The following KIF1A variants were observed in gnomAD, a reference collection of about 807,000 sequenced individuals.
KIF1A encodes kinesin family member 1A.
Under a neutral mutation model 227.3 loss-of-function variants are expected in KIF1A, and 46 were observed. The ratio of observed to expected loss-of-function variants is 0.20; its 90% confidence interval spans 0.16 to 0.26. The LOEUF (loss-of-function observed/expected upper bound fraction) is 0.26. KIF1A is among the 10% of genes least tolerant of loss of function. The probability of loss-of-function intolerance (pLI) is 1.00; values close to 1 mark genes in which losing one functional copy is unlikely to be tolerated. For missense variants in KIF1A, 1,683 were observed against 2,485.9 expected (o/e 0.68, Z 6.87); for synonymous variants, 1,022 against 1,012.8 (o/e 1.01, Z -0.17).
intron 17 of KIF1A, 68 bp downstream of exon 17, chr2:240,769,065 C>T: frequency 2.8e-6 from 4 of 1,411,080 alleles, no homozygotes; most frequent in Non-Finnish European, 3.9e-6. Flanking sequence ...TCTGGCTCTA[C>T]CTGAGACAGC....
At chr2:240,738,764 C>T (rs1185277172) in intron 37 of KIF1A, among the ~76,000 whole-genome samples, 2 of 152,250 alleles carry the variant, frequency 1.3e-5, no homozygotes, top group African/African-American at 4.8e-5. Context: ...TGGATCTGAG[C>T]AGGCGGGGCC....
rs1402649597 is a variant in KIF1A at position 240,726,553 on chromosome 2, G to A, written c.4122+273C>T. 6.6e-6 allele frequency among the ~76,000 whole-genome samples: 1 copy of A among 152,198 alleles called. No individual in the cohort carries two copies. The highest frequency in any genetic ancestry group is 1.5e-5 in the Non-Finnish European group (1 of 68,038). ...TTGAGCCTGGGAAGCGGAGGTTGCA[G>A]TGAGACTGCGCCATTGCACTCCAGC... On this transcript the variant is annotated intron_variant, in intron 39 of 48. Coordinates refer to ENST00000498729, the MANE Select transcript of KIF1A (RefSeq NM_001244008.2). The surrounding 1 kb of genome is among the most constrained non-coding windows in gnomAD (Gnocchi z 5.2).
chr2:240,805,485 G>A (rs2126196135), intron 1 of KIF1A, among the ~76,000 whole-genome samples: 1 of 152,120 alleles, frequency 6.6e-6, no homozygotes, highest in South Asian at 2.1e-4. Flanking sequence ...AGAAAAAAAG[G>A]GCGAAAATAT....
Position 240,725,037 on chromosome 2 carries a change from C to G in KIF1A, c.4256+234G>C, listed in dbSNP as rs2045856559. ...TCCTCCCATCCGCTGCAGGCTGGCC[C>G]TCAAGTCCCTCATAGTGGTGTCAGT... On this transcript the variant is annotated intron_variant, in intron 40 of 48. Transcript: ENST00000498729. The surrounding 1 kb of genome is among the most constrained non-coding windows in gnomAD (Gnocchi z 5.8). 6.6e-6 allele frequency among the ~76,000 whole-genome samples: 1 copy of G among 150,708 alleles called. No homozygotes were observed. Among genetic ancestry groups the G allele is most frequent in the African/African-American group, 2.4e-5 (1 of 41,032 alleles).
rs538414991 is a variant in KIF1A, at chr2:240,737,854, G to A, written c.3902-686C>T. 9.7e-4 allele frequency among the ~76,000 whole-genome samples: 147 copies of A among 152,286 alleles called. 1 individual carries two copies. Among genetic ancestry groups the A allele is most frequent in the Non-Finnish European group, 1.2e-3 (85 of 68,022 alleles). On this transcript the variant is annotated intron_variant, in intron 37 of 48. Transcript: ENST00000498729. The stretch of plus-strand genomic sequence containing the variant: ...AACACATGTACATTTTCTTTGTTGC[G>A]CCAGGAAGGAACGGCAGCCTTCCCT...
At chr2:240,774,400 CCCA>C (rs1221798211) in intron 11 of KIF1A, 139 bp from the exon 12 acceptor site, 7 of 419,064 alleles carry the variant, frequency 1.7e-5, no homozygotes, top group East Asian at 4.2e-5. Flanking sequence ...TACCCCCCCC[CCCA>C]CCCCCACCCC....
At position 240,790,671 on chromosome 2, in the gene KIF1A, G is replaced by A. The variant is rs1229641921; in HGVS notation, c.107-1359C>T. Among the ~76,000 whole-genome samples the A allele has an allele frequency of 6.6e-6, 1 of 152,112 alleles. No homozygotes were observed. The highest frequency in any genetic ancestry group is 1.5e-5 in the Non-Finnish European group (1 of 68,026). On this transcript the variant is annotated intron_variant, in intron 2 of 48. Coordinates refer to ENST00000498729, the MANE Select transcript of KIF1A (RefSeq NM_001244008.2). The surrounding 1 kb of genome is among the most constrained non-coding windows in gnomAD (Gnocchi z 5.0). The stretch of plus-strand genomic sequence containing the variant: ...ATGAGGTCCTACTCCATGAAGACGG[G>A]CCCTAATCTAGTGCTGCCATGTCCT...
At chr2:240,727,023 C>A in intron 38 of KIF1A, 83 bp from the exon 39 acceptor site, 2 of 813,356 alleles carry the variant, frequency 2.5e-6, no homozygotes, top group Non-Finnish European at 4.0e-6. Context: ...ACAGACAGAG[C>A]GACAGACAAG....
intron 1 of KIF1A, among the ~76,000 whole-genome samples, chr2:240,817,968 A>G (rs1477729244): frequency 6.6e-6 from 1 of 152,166 alleles, no homozygotes; most frequent in South Asian, 2.1e-4. Context: ...TTTGGGCAGA[A>G]CTCCAGGCTC....
At chr2:240,779,991 C>T (rs1017059892) in intron 10 of KIF1A, among the ~76,000 whole-genome samples, 68 of 152,250 alleles carry the variant, frequency 4.5e-4, no homozygotes, top group African/African-American at 1.5e-3. Context: ...CACCCACTTT[C>T]ACAGTTTCAC....
chr2:240,742,276 T>C (rs974866579), intron 34 of KIF1A, among the ~76,000 whole-genome samples: 4 of 152,290 alleles, frequency 2.6e-5, no homozygotes, highest in South Asian at 2.1e-4. Flanking sequence ...CACAGGCCCC[T>C]ACCCTCTGGG....
rs1282141385 is a variant in KIF1A at position 240,736,957 on chromosome 2, G to A, written c.4007+106C>T. On this transcript the variant is annotated intron_variant, in intron 38 of 48. Transcript: ENST00000498729. The surrounding 1 kb of genome is among the most constrained non-coding windows in gnomAD (Gnocchi z 4.7). ...TGCCAGGAGGGAGGGCCGGGAGAGC[G>A]TTGAGCGGGTCACCTTGTGTGGCTG... is the stretch of plus-strand genomic sequence containing the variant. The A allele has an allele frequency of 2.7e-5, 25 of 914,332 alleles. No homozygotes were observed. The highest frequency in any genetic ancestry group is 1.1e-4 in the Admixed American group (6 of 56,502). 56.6% of individuals were successfully genotyped at this position (914,332 alleles called of 1,614,324 possible).
At chr2:240,782,105 C>T (rs1445076809) in intron 10 of KIF1A, 3 of 985,284 alleles carry the variant, frequency 3.0e-6, no homozygotes, top group East Asian at 2.3e-4. Context: ...CTCACACAGT[C>T]CCCAGCGTCG....
chr2:240,748,698 G>A (rs1377072662), intron 28 of KIF1A: 2 of 330,656 alleles, frequency 6.0e-6, no homozygotes, highest in Non-Finnish European at 1.3e-5. Context: ...CTTCCCTGGT[G>A]TTCACCCTCA....
In KIF1A at chr2:240,772,586, C is replaced by T; in HGVS notation, c.1191G>A (p.Val397=). The part of the protein sequence containing the change: ...GLGDITDTNT[V]PGGPKLTNAL... ...AATACACACATTTGGGTCCTCCAGGCACAGTGTTGGCTATGGGGGAGGGAA... is the reference window on the plus strand; with the variant it reads ...AATACACACATTTGGGTCCTCCAGGTACAGTGTTGGCTATGGGGGAGGGAA... The change falls in exon 14 of 49, where the codon GTG becomes GTA. Residue 397 remains valine (V), a synonymous_variant. Coordinates refer to ENST00000498729, the MANE Select transcript of KIF1A (RefSeq NM_001244008.2). 1 of 1,547,612 alleles carries T rather than the reference C, an allele frequency of 6.5e-7. No individual in the cohort carries two copies.
chr2:240,738,244 C>T (rs1304376038), intron 37 of KIF1A, among the ~76,000 whole-genome samples: 1 of 152,236 alleles, frequency 6.6e-6, no homozygotes, highest in African/African-American at 2.4e-5. Flanking sequence ...AACTGACACC[C>T]ATGAGCCCGC....
chr2:240,797,622 C>A lies in KIF1A; in HGVS notation c.106+25G>T, dbSNP rs375104071. Reference sequence around the variant, plus strand: ...GCCCCCAGCAACCCATGGCCGACCCCGATGCTGTGCAGGCTGATACTCACT... The same window carrying A: ...GCCCCCAGCAACCCATGGCCGACCCAGATGCTGTGCAGGCTGATACTCACT... On this transcript the variant is annotated intron_variant, in intron 2 of 48. Transcript: ENST00000498729. 1.4e-5 allele frequency: 21 copies of A among 1,542,532 alleles called. No individual in the cohort carries two copies. The African/African-American group carries it at 2.7e-4, about 20-fold the overall frequency.
rs554448293 is a variant in KIF1A at position 240,802,281 on chromosome 2, C to T, written c.-60-4469G>A. ...TACATGTTGTCATTGCTAGGGTAAT[C>T]ATTTAGAAAGTAGAAAACTAATGTA... On this transcript the variant is annotated intron_variant, in intron 1 of 48. Coordinates refer to ENST00000498729, the MANE Select transcript of KIF1A (RefSeq NM_001244008.2). Among the ~76,000 whole-genome samples, 20 of 152,102 alleles carry T rather than the reference C, an allele frequency of 1.3e-4. No homozygotes were observed. In the East Asian group the frequency reaches 3.7e-3, roughly 28 times the overall value.
intron 2 of KIF1A, 136 bp downstream of exon 2, chr2:240,797,511 C>G: frequency 1.6e-6 from 1 of 634,368 alleles, no homozygotes; most frequent in Non-Finnish European, 2.8e-6. Flanking sequence ...AGCCCCAGGA[C>G]ACCCACACGC....
Sources: allele counts gnomAD v4.1 joint callset (sites outside exome capture counted in the v4.1 genomes callset), GRCh38; gene constraint gnomAD v4.1.1; non-coding constraint Gnocchi (gnomAD v3.1); transcripts MANE v1.5; gene names NCBI Gene and HGNC (gene_info 2026-07-23, HGNC 2026-07-21).